Variants in TBCK observed in about 807,000 individuals in gnomAD.
TBCK encodes the protein TBC1 domain containing kinase, also known as TBC domain-containing protein kinase-like protein.
Under a neutral mutation model 113.4 loss-of-function variants are expected in TBCK, and 99 were observed. The observed-to-expected ratio is 0.87, with a 90% CI of 0.74 to 1.03. TBCK has a LOEUF of 1.03. TBCK is among the 50% of genes least tolerant of loss of function. The pLI is 0.00. For synonymous variants in TBCK, 369 were observed against 370.8 expected, an observed-to-expected ratio of 1.00 and a Z score of 0.05; for missense variants, 1,045 against 1,061.3, an observed-to-expected ratio of 0.98 and a Z score of 0.21.
intron 23 of TBCK, among the ~76,000 whole-genome samples, chr4:106,154,804 T>C (rs1332526112): frequency 6.6e-6 from 1 of 152,192 alleles, no homozygotes; most frequent in Non-Finnish European, 1.5e-5. Context: ...TCAGGTATTT[T>C]ATTACAGTTA....
chr4:106,244,150 C>G (rs1760488602), intron 11 of TBCK, among the ~76,000 whole-genome samples: 1 of 152,110 alleles, frequency 6.6e-6, no homozygotes, highest in Admixed American at 6.6e-5. Flanking sequence ...TACAGTTAGG[C>G]AGATTTTTTT....
chr4:106,234,521 G>A (rs993822870), intron 15 of TBCK, among the ~76,000 whole-genome samples: 3 of 152,052 alleles, frequency 2.0e-5, no homozygotes, highest in Admixed American at 6.6e-5. Context: ...AAGGTTCACT[G>A]CAGCCTCGAA....
intron 23 of TBCK, among the ~76,000 whole-genome samples, chr4:106,166,788 TATA>T (rs1274938828): frequency 2.0e-5 from 3 of 151,618 alleles, no homozygotes; most frequent in African/African-American, 7.3e-5. Context: ...ACTGTAATAA[TATA>T]ATACATTATC....
chr4:106,313,023 T>G (rs991609106), intron 1 of TBCK, among the ~76,000 whole-genome samples: 2 of 152,230 alleles, frequency 1.3e-5, no homozygotes, highest in African/African-American at 4.8e-5. Context: ...GATGAGTACA[T>G]GCATCAAAAC....
chr4:106,271,337 A>G (rs72893630), intron 3 of TBCK, among the ~76,000 whole-genome samples: 4,096 of 152,272 alleles, frequency 0.027, 176 homozygotes, highest in African/African-American at 0.094. Flanking sequence ...AAAAAATATA[A>G]TATTAATAAA....
At chr4:106,079,063 G>T (rs1738552747) in intron 25 of TBCK, among the ~76,000 whole-genome samples, 1 of 151,890 alleles carries the variant, frequency 6.6e-6, no homozygotes, top group African/African-American at 2.4e-5. Flanking sequence ...TGCAGAAAAG[G>T]TCTTTAATAT....
chr4:106,263,577 G>C (rs891304942), intron 3 of TBCK, among the ~76,000 whole-genome samples: 1 of 151,720 alleles, frequency 6.6e-6, no homozygotes, highest in African/African-American at 2.4e-5. Context: ...CCTTGATTTT[G>C]ATGATGGTTA....
At chr4:106,150,863 T>C (rs531871063) in intron 23 of TBCK, among the ~76,000 whole-genome samples, 1 of 152,160 alleles carries the variant, frequency 6.6e-6, no homozygotes, top group South Asian at 2.1e-4. Flanking sequence ...ACCTTTTTTG[T>C]AGTAACTACA....
intron 20 of TBCK, among the ~76,000 whole-genome samples, chr4:106,212,139 T>C (rs559574918): frequency 1.8e-4 from 28 of 152,276 alleles, no homozygotes; most frequent in African/African-American, 5.8e-4. Context: ...TAATTTATTT[T>C]CCTCTCCACT....
intron 3 of TBCK, among the ~76,000 whole-genome samples, chr4:106,287,976 A>C (rs891161669): frequency 1.3e-5 from 2 of 152,152 alleles, no homozygotes; most frequent in African/African-American, 4.8e-5. Flanking sequence ...TAACTAATTC[A>C]TACTCTTTCT....
intron 20 of TBCK, among the ~76,000 whole-genome samples, chr4:106,199,584 C>T (rs370510030): frequency 6.6e-6 from 1 of 152,134 alleles, no homozygotes; most frequent in East Asian, 1.9e-4. Flanking sequence ...CTAACAGATA[C>T]ACATATCCTA....
At chr4:106,297,721 C>T (rs1043243889) in intron 2 of TBCK, 1 of 152,168 alleles carries the variant, frequency 6.6e-6, no homozygotes, top group Admixed American at 6.5e-5. Context: ...CACATGGGTT[C>T]TTATTGCCTG....
At chr4:106,282,948 C>T (rs1231268610) in intron 3 of TBCK, among the ~76,000 whole-genome samples, 8 of 152,054 alleles carry the variant, frequency 5.3e-5, no homozygotes, top group African/African-American at 1.9e-4. Context: ...TGCCAACAAC[C>T]TTTATCAGCT....
In TBCK at chr4:106,107,160, A is replaced by G. The variant is rs558471078; in HGVS notation, c.2411+9043T>C. Among the ~76,000 whole-genome samples, 39 of 152,322 alleles carry G rather than the reference A, an allele frequency of 2.6e-4. No homozygotes were observed. In the South Asian group the frequency reaches 7.9e-3, roughly 31 times the overall value. On this transcript the variant is annotated intron_variant, in intron 24 of 25. Transcript: ENST00000394708. Reference sequence around the variant, plus strand: ...AGCAAGTTCTTAGAGACCTACAAAGAGACATCGACTCCCACACAATAATAG... The same window carrying G: ...AGCAAGTTCTTAGAGACCTACAAAGGGACATCGACTCCCACACAATAATAG...
At chr4:106,081,577 C>T (rs1167871457) in intron 25 of TBCK, among the ~76,000 whole-genome samples, 1 of 152,064 alleles carries the variant, frequency 6.6e-6, no homozygotes, top group Non-Finnish European at 1.5e-5. Context: ...GGGCTTAATA[C>T]CTAGGTGATG....
At position 106,250,456 on chromosome 4, in the gene TBCK, A is replaced by G; in HGVS notation, c.620T>C (p.Leu207Ser). 6.4e-7 allele frequency: 1 copy of G among 1,563,880 alleles called. No homozygotes were observed. Among genetic ancestry groups the G allele is most frequent in the Non-Finnish European group, 8.7e-7 (1 of 1,145,596 alleles). The change falls in exon 7 of 26, where the codon TTG becomes TCG. Residue 207 changes from leucine (L) to serine (S), a missense_variant. Leu to Ser is a moderately radical substitution (Grantham distance 145, BLOSUM62 -2). Coordinates refer to ENST00000394708, the MANE Select transcript of TBCK (RefSeq NM_001163435.3). ...AAATTTTAGTCTTTCAGAAATATCC[A>G]AGCTCTGAAATAATTTTCTTCCCTA... ...LCVGRKLFQS[L>S]DISERLKFLL... is the part of the protein sequence containing the mutation.
chr4:106,222,910 C>T (rs1013794147), intron 19 of TBCK, among the ~76,000 whole-genome samples: 2 of 152,050 alleles, frequency 1.3e-5, no homozygotes, highest in African/African-American at 4.8e-5. Context: ...GAAAAGTAAT[C>T]TTTAGAGCTA....
chr4:106,284,541 C>G (rs760208636), intron 3 of TBCK, among the ~76,000 whole-genome samples: 2 of 152,072 alleles, frequency 1.3e-5, no homozygotes, highest in African/African-American at 2.4e-5. Flanking sequence ...AACCATAACC[C>G]TAAAAACGTG....
intron 3 of TBCK, among the ~76,000 whole-genome samples, chr4:106,284,857 AGAG>A (rs1764960821): frequency 6.6e-6 from 1 of 152,180 alleles, no homozygotes; most frequent in African/African-American, 2.4e-5. Context: ...AGCATTTCAA[AGAG>A]GAGTTGAGAT....
Sources: gnomAD v4.1 joint callset for allele counts (sites outside exome capture counted in the v4.1 genomes callset) on GRCh38, gnomAD v4.1.1 for gene constraint, MANE v1.5 for transcripts, NCBI Gene and HGNC (gene_info 2026-07-23, HGNC 2026-07-21) for gene names.